Variants in HEG1 observed in about 807,000 individuals in gnomAD.
HEG1 encodes the protein heart development protein with EGF like domains 1, also known as protein HEG homolog 1.
In HEG1, 56 loss-of-function variants were observed where a neutral mutation model predicts 125.6. That is an observed-to-expected ratio of 0.45 (90% CI 0.36 to 0.56). The LOEUF (loss-of-function observed/expected upper bound fraction) is 0.56. Ranked by LOEUF, HEG1 falls within the 20% of genes least tolerant of loss-of-function variation. The pLI, the probability that HEG1 is intolerant of heterozygous loss-of-function variation, is 0.00. For synonymous variants in HEG1, 644 were observed against 668.5 expected (o/e 0.96, Z 0.57); for missense variants, 1,523 against 1,670.0 (o/e 0.91, Z 1.53).
At chr3:125,032,048 T>C (rs529619441) in intron 1 of HEG1, among the ~76,000 whole-genome samples, 144 of 152,370 alleles carry the variant, frequency 9.5e-4, no homozygotes, top group African/African-American at 3.4e-3. Flanking sequence ...ATAAAAATAT[T>C]GAGATATTTT....
intron 1 of HEG1, among the ~76,000 whole-genome samples, chr3:125,044,535 G>C (rs539123216): frequency 6.6e-6 from 1 of 152,092 alleles, no homozygotes; most frequent in Non-Finnish European, 1.5e-5. Context: ...CCATCCTCAC[G>C]ACAGCCTTAT....
At chr3:125,053,209 G>C (rs1937853046) in intron 1 of HEG1, among the ~76,000 whole-genome samples, 1 of 152,232 alleles carries the variant, frequency 6.6e-6, no homozygotes, top group Non-Finnish European at 1.5e-5. Context: ...TGGAGGACCT[G>C]TGGAGGCCCT....
At chr3:124,974,619 C>T (rs533719902) in intron 15 of HEG1, among the ~76,000 whole-genome samples, 15 of 152,330 alleles carry the variant, frequency 9.8e-5, no homozygotes, top group African/African-American at 2.9e-4. Flanking sequence ...AAATGCTACT[C>T]GTGAGATCTC....
chr3:124,971,286 C>T (rs142350098), intron 16 of HEG1: 83 of 410,524 alleles, frequency 2.0e-4, no homozygotes, highest in African/African-American at 2.9e-4. Context: ...ATCACCTGGA[C>T]GACACCTGAG....
At chr3:124,971,213 G>C (rs1936417014) in intron 16 of HEG1, 9 of 455,070 alleles carry the variant, frequency 2.0e-5, no homozygotes, top group South Asian at 1.2e-4. Flanking sequence ...ATTATTTCTT[G>C]GCAGAAATAA....
At chr3:125,049,755 T>A (rs192529980) in intron 1 of HEG1, among the ~76,000 whole-genome samples, 1 of 152,196 alleles carries the variant, frequency 6.6e-6, no homozygotes, top group East Asian at 1.9e-4. Context: ...TCCCAACACA[T>A]CAATACGATG....
chr3:125,028,906 C>T (rs1937455311), intron 2 of HEG1, among the ~76,000 whole-genome samples: 1 of 152,246 alleles, frequency 6.6e-6, no homozygotes, highest in Non-Finnish European at 1.5e-5. Flanking sequence ...ACAAAACCTA[C>T]TGCCTCTGAG....
chr3:125,006,239 G>A (rs189539898), intron 8 of HEG1, among the ~76,000 whole-genome samples: 25 of 152,126 alleles, frequency 1.6e-4, no homozygotes, highest in Admixed American at 1.3e-4. Context: ...TGTTGGGTTC[G>A]GAAATGAAAA....
chr3:125,003,950 T>G (rs536362510), intron 9 of HEG1, among the ~76,000 whole-genome samples: 2 of 152,330 alleles, frequency 1.3e-5, no homozygotes, highest in Non-Finnish European at 2.9e-5. Flanking sequence ...CTCTAGTGAA[T>G]TATTGAAACT....
At chr3:124,983,785 C>A (rs1423123584) in intron 14 of HEG1, among the ~76,000 whole-genome samples, 1 of 152,132 alleles carries the variant, frequency 6.6e-6, no homozygotes, top group African/African-American at 2.4e-5. Context: ...GTGACAGTGC[C>A]CCACATGATT....
At chr3:125,045,825 A>T (rs1424680338) in intron 1 of HEG1, among the ~76,000 whole-genome samples, 1 of 152,208 alleles carries the variant, frequency 6.6e-6, no homozygotes, top group African/African-American at 2.4e-5. Context: ...CATCCTTCCA[A>T]CAACACTGAA....
At chr3:124,992,234 C>G (rs560276999) in intron 12 of HEG1, among the ~76,000 whole-genome samples, 1 of 152,176 alleles carries the variant, frequency 6.6e-6, no homozygotes, top group Non-Finnish European at 1.5e-5. Flanking sequence ...ACTTTGAACC[C>G]TCGGGTGGTG....
At chr3:125,012,480 T>G (rs764237232) in intron 6 of HEG1, 143 bp downstream of exon 6, 1 of 830,102 alleles carries the variant, frequency 1.2e-6, no homozygotes, top group Non-Finnish European at 1.8e-6. Context: ...AGTGTTTCAA[T>G]AGGAAGCATT....
intron 1 of HEG1, among the ~76,000 whole-genome samples, chr3:125,035,464 A>T (rs138298998): frequency 2.9e-3 from 436 of 152,304 alleles, no homozygotes; most frequent in Non-Finnish European, 5.3e-3. Flanking sequence ...ATTACAGCTG[A>T]TTTCTCAACA....
chr3:124,970,768 T>G lies in HEG1; in HGVS notation c.4030A>C (p.Asn1344His). The G allele has an allele frequency of 6.2e-7, 1 of 1,610,310 alleles. No individual in the cohort carries two copies. The highest frequency in any genetic ancestry group is 8.5e-7 in the Non-Finnish European group (1 of 1,178,410). Reference protein sequence around the residue: ...TSVRNPELERNGLYPAYTGLP... With the variant: ...TSVRNPELERHGLYPAYTGLP... ...CCAGTGTAGGCCGGGTAGAGTCCGT[T>G]TCGTTCAAGTTCTGGATTCCTTACA... The change falls in exon 17 of 17, where the codon AAC (asparagine) becomes CAC (histidine). Residue 1344 changes from asparagine (N) to histidine (H), a missense_variant. Coordinates refer to ENST00000311127, the MANE Select transcript of HEG1 (RefSeq NM_020733.2).
At chr3:124,973,950 G>A in intron 15 of HEG1, 45 bp from the exon 16 acceptor site, 2 of 1,326,394 alleles carry the variant, frequency 1.5e-6, no homozygotes, top group Non-Finnish European at 2.1e-6. Flanking sequence ...CCGTAAAGAA[G>A]TGATACTGTG....
intron 1 of HEG1, among the ~76,000 whole-genome samples, chr3:125,050,428 G>A (rs1197081037): frequency 6.6e-6 from 1 of 152,172 alleles, no homozygotes; most frequent in Admixed American, 6.5e-5. Context: ...ACAGGCGTGA[G>A]CCATCATGCC....
At chr3:125,036,220 A>AAAAAAAG (rs1003090049) in intron 1 of HEG1, among the ~76,000 whole-genome samples, 10 of 150,796 alleles carry the variant, frequency 6.6e-5, no homozygotes, top group Non-Finnish European at 1.3e-4. Flanking sequence ...AAAAAAAAAA[A>AAAAAAAG]AAAAAAGAAA....
At chr3:124,984,714 G>T (rs957438946) in intron 14 of HEG1, among the ~76,000 whole-genome samples, 1 of 151,980 alleles carries the variant, frequency 6.6e-6, no homozygotes, top group African/African-American at 2.4e-5. Flanking sequence ...AGCCAAGATC[G>T]CACTACTGCA....
Sources: allele counts gnomAD v4.1 joint callset (sites outside exome capture counted in the v4.1 genomes callset), GRCh38; gene constraint gnomAD v4.1.1; transcripts MANE v1.5; gene names NCBI Gene and HGNC (gene_info 2026-07-23, HGNC 2026-07-21).